The following SLC19A1 variants were observed in gnomAD, a reference collection of about 807,000 sequenced individuals.
The protein encoded by SLC19A1 is reduced folate transporter.
SLC19A1 carries 37 observed loss-of-function variants against 35.3 expected under a neutral mutation model. The ratio of observed to expected loss-of-function variants is 1.05; its 90% CI spans 0.81 to 1.38. SLC19A1 has a LOEUF of 1.38. SLC19A1 is among the 40% of genes most tolerant of loss of function. SLC19A1 has a pLI of 0.00. For synonymous variants in SLC19A1, 460 were observed against 398.5 expected, an observed-to-expected ratio of 1.15 and a Z score of -1.84; for missense variants, 831 against 826.9, an observed-to-expected ratio of 1.00 and a Z score of -0.06.
intron 5 of SLC19A1, among the ~76,000 whole-genome samples, 153 bp downstream of exon 5, chr21:45,525,664 C>T (rs922397827): frequency 3.9e-5 from 6 of 152,242 alleles, no homozygotes; most frequent in Admixed American, 1.3e-4. Context: ...TTCCTGCTCT[C>T]GCTGGCCTGG....
intron 4 of SLC19A1, 109 bp from the exon 5 acceptor site, chr21:45,526,067 C>T (rs1399444732): frequency 9.5e-5 from 118 of 1,248,034 alleles, no homozygotes; most frequent in South Asian, 2.0e-4. Context: ...CCGGCAGCCA[C>T]GGGGTCCCAG....
At chr21:45,529,682 AGC>A in intron 4 of SLC19A1, among the ~76,000 whole-genome samples, 1 of 147,500 alleles carries the variant, frequency 6.8e-6, no homozygotes, top group South Asian at 2.2e-4. Context: ...TCCATGTGTG[AGC>A]ATGTGTTGTG....
chr21:45,529,941 AGTGT>A (rs376594423), intron 4 of SLC19A1, among the ~76,000 whole-genome samples: 3 of 122,912 alleles, frequency 2.4e-5, no homozygotes, highest in Admixed American at 8.0e-5. Context: ...GTCCGTGTGT[AGTGT>A]GTGTCCATGG....
chr21:45,530,775 G>T lies in SLC19A1; in HGVS notation c.1146C>A (p.Ile382=). ...FRGSYQFLVP[I]ATFQIASSLS... is the part of the protein sequence containing the mutation. ...CCCACCCTTCTGGAACTCACGTGGC[G>T]ATGGGCACGAGGAACTGGTAGGAGC... is the stretch of plus-strand genomic sequence containing the variant. The change falls in exon 4 of 6, where the codon ATC becomes ATA. Residue 382 remains isoleucine, a synonymous_variant. Transcript: ENST00000311124. This position sits in a 1 kb window ranked among gnomAD's most constrained non-coding sequence, Gnocchi z 5.3. The T allele has an allele frequency of 6.4e-7, 1 of 1,558,888 alleles. No individual in the cohort carries two copies. Among genetic ancestry groups the T allele is most frequent in the Non-Finnish European group, 8.7e-7 (1 of 1,151,518 alleles).
At chr21:45,549,760 T>G (rs1602940564) in intron 1 of SLC19A1, among the ~76,000 whole-genome samples, 2 of 25,036 alleles carry the variant, frequency 8.0e-5, no homozygotes, top group African/African-American at 1.7e-4. Flanking sequence ...AGGTGGTTGG[T>G]GGTGGGGAGG....
rs1245887629 is a variant in SLC19A1 at position 45,514,741 on chromosome 21, G to A, written c.*917C>T. 5 of 458,920 alleles carry A rather than the reference G, an allele frequency of 1.1e-5. No individual in the cohort carries two copies. Among genetic ancestry groups the A allele is most frequent in the Admixed American group, 4.4e-5 (1 of 22,694 alleles). 28.4% of individuals were successfully genotyped at this position (458,920 alleles called of 1,614,324 possible). On this transcript the variant is annotated 3_prime_UTR_variant, in exon 6 of 6. Coordinates refer to ENST00000311124, the MANE Select transcript of SLC19A1 (RefSeq NM_194255.4). ...TCACTTAAGTGTGTTTAATGTATGT[G>A]GGAAGAGTATTCACATCACATCAGA...
At chr21:45,504,204 C>T (rs2037043104) in intron 3 of SLC19A1, 1 of 989,470 alleles carries the variant, frequency 1.0e-6, no homozygotes, top group South Asian at 1.4e-5. Context: ...CGAGGGCGTC[C>T]CTCAGGATGT....
rs28568291 is a variant in SLC19A1, at chr21:45,517,132, C to T, written c.1294-992G>A. Among the ~76,000 whole-genome samples, 1,261 of 152,250 alleles carry T rather than the reference C, an allele frequency of 8.3e-3. 18 individuals carry two copies. The highest frequency in any genetic ancestry group is 0.029 in the African/African-American group (1,195 of 41,550). On this transcript the variant is annotated intron_variant, in intron 5 of 5. Transcript: ENST00000311124. The surrounding 1 kb of genome is among the most constrained non-coding windows in gnomAD (Gnocchi z 4.4). ...TGCCACGCAAGGACAGACTGTGCCA[C>T]GCAGAGCTCCCTGGGGGCTTTTCTT... is the stretch of plus-strand genomic sequence containing the variant.
downstream of SLC19A1, chr21:45,509,739 CAG>C: frequency 1.4e-6 from 1 of 710,898 alleles, no homozygotes; most frequent in Non-Finnish European, 2.5e-6. Context: ...CAGGGCCACT[CAG>C]GGCGGCTTGG....
downstream of SLC19A1, chr21:45,507,572 G>A: frequency 6.2e-7 from 1 of 1,613,088 alleles, no homozygotes. Flanking sequence ...TGGAGGCCCG[G>A]ACACCACTCC....
intron 1 of SLC19A1, among the ~76,000 whole-genome samples, chr21:45,550,074 G>A (rs1035746867): frequency 6.6e-6 from 1 of 152,080 alleles, no homozygotes; most frequent in Non-Finnish European, 1.5e-5. Context: ...GGCCAAAAGT[G>A]GACAGTGGGG....
At chr21:45,505,788 C>A in intron 3 of SLC19A1, 1 of 1,278,624 alleles carries the variant, frequency 7.8e-7, no homozygotes. Flanking sequence ...TCCGCCCCTG[C>A]CCCCCGCCCT....
Position 45,515,982 on chromosome 21 carries a change from C to T in SLC19A1, c.1452G>A (p.Leu484=), listed in dbSNP as rs1367735421. 6.4e-7 allele frequency: 1 copy of T among 1,559,624 alleles called. No individual in the cohort carries two copies. Among genetic ancestry groups the T allele is most frequent in the South Asian group, 1.2e-5 (1 of 85,026 alleles). ...SAAEEKAAQA[L]SVQDKGLGGL... is the part of the protein sequence containing the mutation. The stretch of plus-strand genomic sequence containing the variant: ...CTCCGAGGCCCTTGTCCTGCACGCT[C>T]AGTGCCTGTGCTGCCTTCTCCTCCG... Residue 484 remains leucine (L), a synonymous_variant, in exon 6 of 6, where the codon CTG becomes CTA. Coordinates refer to ENST00000311124, the MANE Select transcript of SLC19A1 (RefSeq NM_194255.4).
At chr21:45,545,172 C>T (rs1016872762), upstream of SLC19A1, among the ~76,000 whole-genome samples, 3 of 152,186 alleles carry the variant, frequency 2.0e-5, no homozygotes, top group African/African-American at 4.8e-5. Flanking sequence ...CACGCACACA[C>T]ACTGATGTGG....
chr21:45,509,828 G>T (rs976219639), downstream of SLC19A1, among the ~76,000 whole-genome samples: 1 of 152,194 alleles, frequency 6.6e-6, no homozygotes, highest in African/African-American at 2.4e-5. Flanking sequence ...TTGAGGAACC[G>T]GCGTACCTCC....
intron 1 of SLC19A1, among the ~76,000 whole-genome samples, chr21:45,549,789 T>G: frequency 3.5e-4 from 3 of 8,520 alleles, no homozygotes; most frequent in African/African-American, 1.1e-3. Flanking sequence ...TGGCGGATTG[T>G]GGGGAGGAGG....
chr21:45,530,985 G>T lies in SLC19A1; in HGVS notation c.950-14C>A. 1 of 1,346,938 alleles carries T rather than the reference G, an allele frequency of 7.4e-7. No homozygotes were observed. Among genetic ancestry groups the T allele is most frequent in the Non-Finnish European group, 9.6e-7 (1 of 1,041,698 alleles). The allele number at this position is 1,346,938 out of a possible 1,614,324, so 83.4% of individuals were successfully genotyped here. A position where few individuals can be genotyped will look rare whatever the true frequency, so the allele number is the denominator to read the frequency against. On this transcript the variant is annotated splice_polypyrimidine_tract_variant and intron_variant, in intron 3 of 5. Coordinates refer to ENST00000311124, the MANE Select transcript of SLC19A1 (RefSeq NM_194255.4). The surrounding 1 kb of genome is among the most constrained non-coding windows in gnomAD (Gnocchi z 5.3). ...ACGTGATGGCGCCTGAGAGGGGAGG[G>T]ATGGGGCGTTGCAGCGGCCCTGGGG... is the stretch of plus-strand genomic sequence containing the variant.
downstream of SLC19A1, chr21:45,512,123 G>A (rs905403191): frequency 1.3e-6 from 2 of 1,538,670 alleles, no homozygotes; most frequent in Admixed American, 1.9e-5. Context: ...TTCCTGCCCG[G>A]GGAGCGGCCT....
rs369427188 is a variant in SLC19A1, at chr21:45,559,268, A to T, written c.-50+3474T>A. ...AACTGCCAGCCCCTCAGCTGTGTGG[A>T]AACATCGCAACGTTGAGGCCGGGTG... On this transcript the variant is annotated intron_variant, in intron 1 of 5. Coordinates refer to the SLC19A1 transcript ENST00000650808. Among the ~76,000 whole-genome samples the T allele has an allele frequency of 6.6e-5, 10 of 152,310 alleles. No homozygotes were observed. In the East Asian group the frequency reaches 1.7e-3, roughly 26 times the overall value.
Sources: allele counts gnomAD v4.1 joint callset (sites outside exome capture counted in the v4.1 genomes callset), GRCh38; gene constraint gnomAD v4.1.1; non-coding constraint Gnocchi (gnomAD v3.1); transcripts MANE v1.5; gene names NCBI Gene and HGNC (gene_info 2026-07-23, HGNC 2026-07-21).